Variants in VEPH1 observed in about 807,000 individuals in gnomAD.
VEPH1 encodes the protein ventricular zone expressed PH domain containing 1.
VEPH1 carries 80 observed loss-of-function variants against 85.2 expected under a neutral mutation model. That is an observed-to-expected ratio of 0.94 (90% CI 0.78 to 1.13). VEPH1 has a LOEUF of 1.13. Among genes scored for constraint, VEPH1 ranks in the 50% most tolerant of loss-of-function variants. The probability of loss-of-function intolerance (pLI) is 0.00; values close to 1 mark genes in which losing one functional copy is unlikely to be tolerated. For missense variants in VEPH1, 955 were observed against 980.5 expected, an observed-to-expected ratio of 0.97 and a Z score of 0.35; for synonymous variants, 297 against 348.0, an observed-to-expected ratio of 0.85 and a Z score of 1.63.
Position 157,435,953 on chromosome 3 carries a change from C to T in VEPH1, c.530-7465G>A, listed in dbSNP as rs78422210. Among the ~76,000 whole-genome samples, 548 of 152,040 alleles carry T rather than the reference C, an allele frequency of 3.6e-3. 3 individuals carry two copies. The highest frequency in any genetic ancestry group is 0.013 in the African/African-American group (523 of 41,474). The stretch of plus-strand genomic sequence containing the variant: ...TCCTTTTTTCCCCCAGCTTTTTTTC[C>T]CCATTCTAGGTTTACCCAGTTGTAC... On this transcript the variant is annotated intron_variant, in intron 4 of 13. Transcript: ENST00000362010.
In VEPH1 at chr3:157,459,284, T is replaced by A. The variant is rs547729153; in HGVS notation, c.529+897A>T. Reference sequence around the variant, plus strand: ...GGAAGAGGACAGCACCCCACCATGCTATGCCAGGAAGCATGGACAAAATAG... The same window carrying A: ...GGAAGAGGACAGCACCCCACCATGCAATGCCAGGAAGCATGGACAAAATAG... On this transcript the variant is annotated intron_variant, in intron 4 of 13. Transcript: ENST00000362010. 6.1e-4 allele frequency among the ~76,000 whole-genome samples: 93 copies of A among 152,330 alleles called. 1 individual carries two copies. The highest frequency in any genetic ancestry group is 1.6e-3 in the African/African-American group (65 of 41,592).
intron 11 of VEPH1, among the ~76,000 whole-genome samples, chr3:157,297,893 G>A (rs1210589154): frequency 6.6e-6 from 1 of 152,118 alleles, no homozygotes; most frequent in African/African-American, 2.4e-5. Flanking sequence ...CTCTAATGAG[G>A]CTGAAATAAA....
At chr3:157,447,805 G>A (rs561018908) in intron 4 of VEPH1, among the ~76,000 whole-genome samples, 8 of 152,138 alleles carry the variant, frequency 5.3e-5, no homozygotes, top group Admixed American at 1.3e-4. Context: ...ATGTTGGCCA[G>A]CCTGGTCTTG....
At chr3:157,314,558 C>T (rs1364831896) in intron 10 of VEPH1, among the ~76,000 whole-genome samples, 3 of 151,744 alleles carry the variant, frequency 2.0e-5, no homozygotes, top group Admixed American at 6.6e-5. Context: ...TATAAATATT[C>T]ATATTTATTT....
At chr3:157,369,184 A>AAAAAAAAAACAAAAAAC (rs1257519581) in intron 7 of VEPH1, among the ~76,000 whole-genome samples, 34 of 136,842 alleles carry the variant, frequency 2.5e-4, no homozygotes, top group African/African-American at 9.5e-4. Context: ...CCAAATGAAA[A>AAAAAAAAAACAAAAAAC]AAAAAAAAAA....
intron 6 of VEPH1, among the ~76,000 whole-genome samples, chr3:157,399,801 T>C (rs1020197973): frequency 6.6e-6 from 1 of 152,100 alleles, no homozygotes; most frequent in Admixed American, 6.5e-5. Flanking sequence ...GCAAGCTGCC[T>C]GAAATATTTT....
intron 10 of VEPH1, chr3:157,315,801 T>G (rs1471358469): frequency 1.3e-5 from 2 of 151,860 alleles, no homozygotes; most frequent in Non-Finnish European, 2.9e-5. Context: ...ATTTCTTGTT[T>G]TTTTTTCAGA....
chr3:157,432,485 A>G (rs141492415), intron 4 of VEPH1, among the ~76,000 whole-genome samples: 15 of 152,156 alleles, frequency 9.9e-5, no homozygotes, highest in Non-Finnish European at 1.6e-4. Flanking sequence ...ACTTTGGTAC[A>G]TAGGAGGAAG....
intron 12 of VEPH1, among the ~76,000 whole-genome samples, chr3:157,270,332 G>A (rs1005118666): frequency 3.3e-5 from 5 of 151,618 alleles, no homozygotes; most frequent in Non-Finnish European, 5.9e-5. Context: ...ACCACAATTT[G>A]GCTAGGACAT....
intron 8 of VEPH1, 36 bp from the exon 9 acceptor site, chr3:157,363,797 T>C: frequency 6.3e-7 from 1 of 1,593,376 alleles, no homozygotes. Flanking sequence ...AAAGAAGTTG[T>C]GTTACCATTC....
intron 9 of VEPH1, among the ~76,000 whole-genome samples, chr3:157,361,640 C>A (rs965923249): frequency 3.3e-5 from 5 of 152,248 alleles, no homozygotes; most frequent in African/African-American, 1.2e-4. Flanking sequence ...ATGGTTGCTG[C>A]CTAAGAATTG....
chr3:157,390,217 AG>A (rs1340625176), intron 6 of VEPH1, among the ~76,000 whole-genome samples: 1 of 152,234 alleles, frequency 6.6e-6, no homozygotes, highest in Non-Finnish European at 1.5e-5. Context: ...AGACAAAAAA[AG>A]TTTGAACAAT....
intron 7 of VEPH1, among the ~76,000 whole-genome samples, chr3:157,369,180 G>GAGAAAAAAAAAA: frequency 2.3e-5 from 1 of 42,780 alleles, no homozygotes; most frequent in Non-Finnish European, 4.0e-5. Flanking sequence ...AAAACCAAAT[G>GAGAAAAAAAAAA]AAAAAAAAAA....
chr3:157,470,164 T>A (rs1178807909), intron 3 of VEPH1, 150 bp downstream of exon 3: 4 of 698,364 alleles, frequency 5.7e-6, no homozygotes, highest in Non-Finnish European at 9.5e-6. Flanking sequence ...AGTTTATTAA[T>A]TACCGGCCCT....
chr3:157,481,465 CAA>C (rs1553796737), intron 2 of VEPH1, among the ~76,000 whole-genome samples: 118 of 63,306 alleles, frequency 1.9e-3, no homozygotes, highest in Middle Eastern at 0.013. Context: ...CACACACACA[CAA>C]AAAAAAAAAA....
chr3:157,490,229 GA>G (rs1240495524), intron 2 of VEPH1, among the ~76,000 whole-genome samples: 1 of 151,506 alleles, frequency 6.6e-6, no homozygotes, highest in Non-Finnish European at 1.5e-5. Context: ...TTAAAGAACA[GA>G]AAAAAACAAA....
At chr3:157,267,130 C>G (rs1288966640) in intron 12 of VEPH1, among the ~76,000 whole-genome samples, 1 of 111,364 alleles carries the variant, frequency 9.0e-6, no homozygotes, top group Non-Finnish European at 1.8e-5. Context: ...ACAGTTTACT[C>G]TGTCACCGAG....
intron 6 of VEPH1, among the ~76,000 whole-genome samples, chr3:157,387,060 T>C (rs953572728): frequency 8.5e-5 from 13 of 152,336 alleles, no homozygotes; most frequent in Admixed American, 6.5e-4. Flanking sequence ...TGGTCTCTTG[T>C]TGTGGGAAAA....
At chr3:157,329,177 C>T (rs533262988) in intron 9 of VEPH1, among the ~76,000 whole-genome samples, 1 of 152,220 alleles carries the variant, frequency 6.6e-6, no homozygotes, top group East Asian at 1.9e-4. Context: ...TGATAATTTG[C>T]TTTTGGTATT....
Sources: gnomAD v4.1 joint callset for allele counts (sites outside exome capture counted in the v4.1 genomes callset) on GRCh38, gnomAD v4.1.1 for gene constraint, MANE v1.5 for transcripts, NCBI Gene and HGNC (gene_info 2026-07-23, HGNC 2026-07-21) for gene names.